DENND1B: variants seen among roughly 807,000 people sequenced by gnomAD.
DENND1B encodes the protein DENN domain containing 1B.
In DENND1B, 59 loss-of-function variants were observed where a neutral mutation model predicts 90.1. That is an observed-to-expected ratio of 0.65 (90% CI 0.53 to 0.81). The LOEUF is 0.81. Ranked by LOEUF, DENND1B falls within the 40% of genes least tolerant of loss-of-function variation. DENND1B has a pLI of 0.00. For missense variants in DENND1B, 862 were observed against 912.6 expected, an observed-to-expected ratio of 0.94 and a Z score of 0.71; for synonymous variants, 337 against 324.6, an observed-to-expected ratio of 1.04 and a Z score of -0.41.
intron 5 of DENND1B, among the ~76,000 whole-genome samples, chr1:197,664,059 T>C (rs1030931665): frequency 2.0e-5 from 3 of 151,846 alleles, no homozygotes; most frequent in Non-Finnish European, 2.9e-5. Context: ...CTGTAAATTA[T>C]ATAAGCTTAT....
intron 18 of DENND1B, among the ~76,000 whole-genome samples, chr1:197,543,478 G>C (rs1020373128): frequency 9.2e-5 from 14 of 152,140 alleles, no homozygotes; most frequent in Admixed American, 2.0e-4. Flanking sequence ...AGAAGAAAAT[G>C]AAGGGCTATT....
In DENND1B at chr1:197,638,299, T is replaced by C. The variant is rs148139582; in HGVS notation, c.672+4412A>G. 1.4e-4 allele frequency among the ~76,000 whole-genome samples: 21 copies of C among 152,316 alleles called. No individual in the cohort carries two copies. The East Asian group carries it at 3.9e-3, about 28-fold the overall frequency. Reference sequence around the variant, plus strand: ...AATCAAATCTCTGTAACTAATATGCTTATAGACTTTCTGAGGGTGAATTTA... The same window carrying C: ...AATCAAATCTCTGTAACTAATATGCCTATAGACTTTCTGAGGGTGAATTTA... On this transcript the variant is annotated intron_variant, in intron 10 of 22. Transcript: ENST00000620048.
In DENND1B at chr1:197,672,117, T is replaced by C. The variant is rs762681682; in HGVS notation, c.216A>G (p.Val72=). ...TCTGTTTACTTTCAATGTCTGTCAG[T>C]ACAAAGGTAAAGTGCTGTCCAACTT... ...QNQVGQHFTF[V]LTDIESKQRF... The change falls in exon 5 of 23, where the codon GTA becomes GTG. Residue 72 remains valine, a synonymous_variant. Coordinates refer to ENST00000620048, the MANE Select transcript of DENND1B (RefSeq NM_001195215.2). The C allele has an allele frequency of 6.2e-7, 1 of 1,612,662 alleles. No homozygotes were observed. The highest frequency in any genetic ancestry group is 8.5e-7 in the Non-Finnish European group (1 of 1,179,126).
intron 15 of DENND1B, among the ~76,000 whole-genome samples, 198 bp downstream of exon 15, chr1:197,582,954 A>G (rs1360398255): frequency 6.6e-6 from 1 of 152,196 alleles, no homozygotes; most frequent in Non-Finnish European, 1.5e-5. Flanking sequence ...TTGATGAGAA[A>G]TTTTTAATAG....
chr1:197,733,822 A>G (rs1388664028), intron 2 of DENND1B, among the ~76,000 whole-genome samples: 1 of 152,178 alleles, frequency 6.6e-6, no homozygotes, highest in Non-Finnish European at 1.5e-5. Flanking sequence ...AAGATAAGAG[A>G]AAAACTTTTA....
In DENND1B at chr1:197,510,381, C is replaced by A; in HGVS notation, c.*79G>T. The A allele has an allele frequency of 7.0e-7, 1 of 1,435,726 alleles. No individual in the cohort carries two copies. Among genetic ancestry groups the A allele is most frequent in the Non-Finnish European group, 9.2e-7 (1 of 1,082,168 alleles). 88.9% of individuals were successfully genotyped at this position (1,435,726 alleles called of 1,614,324 possible). A position where few individuals can be genotyped will look rare whatever the true frequency, so the allele number is the denominator to read the frequency against. ...AAAAAATTTAAATAGTATGAGTTGC[C>A]ATTCCTACAAATAATTCTGTTTATT... On this transcript the variant is annotated 3_prime_UTR_variant, in exon 23 of 23. Transcript: ENST00000620048.
intron 7 of DENND1B, among the ~76,000 whole-genome samples, chr1:197,647,454 A>C (rs16841850): frequency 0.025 from 3,780 of 152,278 alleles, 163 homozygotes; most frequent in African/African-American, 0.085. Context: ...ACAAAAACTT[A>C]CATAATCATC....
chr1:197,602,281 G>A (rs892328232), intron 13 of DENND1B, among the ~76,000 whole-genome samples: 2 of 151,484 alleles, frequency 1.3e-5, no homozygotes, highest in African/African-American at 4.8e-5. Context: ...CTTATTGAAT[G>A]CCTATTTACA....
intron 3 of DENND1B, among the ~76,000 whole-genome samples, chr1:197,683,971 C>T (rs1168806795): frequency 6.6e-6 from 1 of 152,186 alleles, no homozygotes; most frequent in East Asian, 1.9e-4. Flanking sequence ...CTGTTTTCAA[C>T]TTCGGAGGTG....
chr1:197,679,015 T>C (rs1025767193), intron 3 of DENND1B, among the ~76,000 whole-genome samples: 2 of 152,124 alleles, frequency 1.3e-5, no homozygotes, highest in Non-Finnish European at 2.9e-5. Context: ...TCTAAGTCTG[T>C]GAATTCCAAC....
intron 10 of DENND1B, among the ~76,000 whole-genome samples, chr1:197,621,941 A>G (rs992324925): frequency 4.0e-5 from 6 of 151,514 alleles, no homozygotes; most frequent in African/African-American, 1.2e-4. Context: ...TTGAACTAAT[A>G]CAGTTCCAAA....
chr1:197,745,858 T>C (rs954890698), intron 2 of DENND1B, among the ~76,000 whole-genome samples: 2 of 152,084 alleles, frequency 1.3e-5, no homozygotes, highest in East Asian at 3.9e-4. Context: ...TTCTTTATTG[T>C]AACAGTTTAT....
At chr1:197,628,845 C>T (rs1407181279) in intron 10 of DENND1B, among the ~76,000 whole-genome samples, 1 of 151,864 alleles carries the variant, frequency 6.6e-6, no homozygotes, top group African/African-American at 2.4e-5. Flanking sequence ...AAACAAACAA[C>T]CCCATCAAAA....
At position 197,507,601 on chromosome 1, in the gene DENND1B, C is replaced by G. The variant is rs1667788882; in HGVS notation, c.*2859G>C. On this transcript the variant is annotated 3_prime_UTR_variant, in exon 23 of 23. Coordinates refer to ENST00000620048, the MANE Select transcript of DENND1B (RefSeq NM_001195215.2). ...CCAGATAAAGACTATGTACCAAGGCCAAAAGTCTTTTTAGTTTATACAATT... is the reference window on the plus strand; with the variant it reads ...CCAGATAAAGACTATGTACCAAGGCGAAAAGTCTTTTTAGTTTATACAATT... The G allele has an allele frequency of 6.6e-6, 1 of 151,360 alleles. No homozygotes were observed. The highest frequency in any genetic ancestry group is 2.0e-4 in the East Asian group (1 of 5,126). The allele number at this position is 151,360 out of a possible 1,614,324, so 9.4% of individuals were successfully genotyped here.
At chr1:197,731,245 T>C (rs1343180771) in intron 2 of DENND1B, among the ~76,000 whole-genome samples, 1 of 152,022 alleles carries the variant, frequency 6.6e-6, no homozygotes, top group African/African-American at 2.4e-5. Flanking sequence ...GAATCACACA[T>C]TTAGAAAAAT....
At chr1:197,550,831 C>T (rs1671175187) in intron 16 of DENND1B, among the ~76,000 whole-genome samples, 1 of 151,386 alleles carries the variant, frequency 6.6e-6, no homozygotes, top group Non-Finnish European at 1.5e-5. Flanking sequence ...GAAGTACCTC[C>T]TTGGGTGTTG....
intron 20 of DENND1B, among the ~76,000 whole-genome samples, chr1:197,517,262 G>A (rs1418417038): frequency 6.6e-6 from 1 of 151,864 alleles, no homozygotes; most frequent in African/African-American, 2.4e-5. Context: ...GTACAGAATA[G>A]CAGCTTACAG....
At chr1:197,624,041 C>T (rs112857378) in intron 10 of DENND1B, among the ~76,000 whole-genome samples, 11 of 151,608 alleles carry the variant, frequency 7.3e-5, no homozygotes, top group African/African-American at 2.4e-4. Flanking sequence ...ATCAAAATCC[C>T]AGCAAGTTTT....
At position 197,510,552 on chromosome 1, in the gene DENND1B, G is replaced by A. The variant is rs1366545355; in HGVS notation, c.2236C>T (p.Leu746Phe). The change falls in exon 23 of 23, where the codon CTC (leucine) becomes TTC (phenylalanine). Residue 746 changes from leucine to phenylalanine, a missense_variant. Physicochemically the swap from Leu to Phe is conservative, Grantham distance 22. Coordinates refer to ENST00000620048, the MANE Select transcript of DENND1B (RefSeq NM_001195215.2). ...TGACATAATGACACTACTTCATGGA[G>A]CAGTCCAATATCTTCTGAAGTCTCT... ...AKETSEDIGL[L>F]HEVVSLCHMT... 6.2e-7 allele frequency: 1 copy of A among 1,612,470 alleles called. No individual in the cohort carries two copies. The highest frequency in any genetic ancestry group is 8.5e-7 in the Non-Finnish European group (1 of 1,179,142).
Sources: gnomAD v4.1 joint callset for allele counts (sites outside exome capture counted in the v4.1 genomes callset) on GRCh38, gnomAD v4.1.1 for gene constraint, MANE v1.5 for transcripts, NCBI Gene and HGNC (gene_info 2026-07-23, HGNC 2026-07-21) for gene names.